The following SNX31 variants were observed in gnomAD, a reference collection of about 807,000 sequenced individuals.
The protein encoded by SNX31 is sorting nexin-31.
Under a neutral mutation model 65.4 loss-of-function variants are expected in SNX31, and 58 were observed. That is an observed-to-expected ratio of 0.89 (90% CI 0.72 to 1.10). The LOEUF (loss-of-function observed/expected upper bound fraction) is 1.10, where lower values mean the gene tolerates loss of function less well. Ranked by LOEUF, SNX31 falls within the 50% of genes least tolerant of loss-of-function variation. SNX31 has a pLI of 0.00. For synonymous variants in SNX31, 181 were observed against 190.1 expected (o/e 0.95, Z 0.39); for missense variants, 523 against 529.7 (o/e 0.99, Z 0.12).
intron 3 of SNX31, among the ~76,000 whole-genome samples, chr8:100,633,350 G>A (rs1484984968): frequency 6.6e-6 from 1 of 152,080 alleles, no homozygotes; most frequent in East Asian, 1.9e-4. Context: ...TAACTATACT[G>A]TGGTTCTATA....
intron 2 of SNX31, among the ~76,000 whole-genome samples, chr8:100,649,014 C>T (rs1339300303): frequency 3.3e-5 from 5 of 152,226 alleles, no homozygotes; most frequent in Admixed American, 3.3e-4. Flanking sequence ...CCGGCTGCAA[C>T]TGCGAGGGGC....
Position 100,617,654 on chromosome 8 carries a change from A to C in SNX31, c.398T>G (p.Ile133Ser). 6.2e-7 allele frequency: 1 copy of C among 1,613,492 alleles called. No homozygotes were observed. Among genetic ancestry groups the C allele is most frequent in the East Asian group, 2.2e-5 (1 of 44,850 alleles). ...TCTTTCAGCAGTGTCTGATGTTATA[A>C]TTTCGATTCTAATACTCTGTTCATT... ...LPNEQSIRIE[I>S]ITSDTAERVL... Residue 133 changes from isoleucine (I) to serine (S), a missense_variant, in exon 5 of 14, where the codon ATT (isoleucine) becomes AGT (serine). By Grantham distance (142) the Ile-to-Ser change is moderately radical. Transcript: ENST00000311812.
intron 3 of SNX31, among the ~76,000 whole-genome samples, chr8:100,632,116 T>G (rs562805085): frequency 4.6e-5 from 7 of 152,296 alleles, no homozygotes; most frequent in Non-Finnish European, 7.4e-5. Flanking sequence ...TGGGTCTGAT[T>G]TGAGAACCTG....
chr8:100,653,196 T>C (rs1474106621), upstream of SNX31, among the ~76,000 whole-genome samples: 2 of 152,294 alleles, frequency 1.3e-5, no homozygotes, highest in East Asian at 3.9e-4. Context: ...TTGGTCTGTG[T>C]TGGGTGCTCT....
At position 100,633,771 on chromosome 8, in the gene SNX31, A is replaced by G. The variant is rs183964725; in HGVS notation, c.256+2126T>C. 3.0e-3 allele frequency among the ~76,000 whole-genome samples: 456 copies of G among 152,346 alleles called. 1 individual carries two copies. Among genetic ancestry groups the G allele is most frequent in the African/African-American group, 8.7e-3 (361 of 41,578 alleles). On this transcript the variant is annotated intron_variant, in intron 3 of 13. Transcript: ENST00000311812. The stretch of plus-strand genomic sequence containing the variant: ...ATATATACACATACACACACAAGGA[A>G]AAAAGAATGATAAGACAAATGTAAA...
rs1815707169 is a variant in SNX31 at position 100,602,236 on chromosome 8, T to C, written c.682-1795A>G. On this transcript the variant is annotated intron_variant, in intron 8 of 13. Coordinates refer to ENST00000311812, the MANE Select transcript of SNX31 (RefSeq NM_152628.4). ...CTATCTGCTACATCCCTCAGTGATA[T>C]TGGCAGGCTATGCTTTATCTCCCAG... Among the ~76,000 whole-genome samples, 3 of 152,232 alleles carry C rather than the reference T, an allele frequency of 2.0e-5. No individual in the cohort carries two copies. In the South Asian group the frequency reaches 6.2e-4, roughly 32 times the overall value.
chr8:100,578,242 T>G lies in SNX31; in HGVS notation c.1171-1167A>C, dbSNP rs2154639. 0.83 allele frequency among the ~76,000 whole-genome samples: 126,389 copies of G among 152,156 alleles called. 53,027 individuals carry two copies. The highest frequency in any genetic ancestry group is 0.86 in the Non-Finnish European group (58,770 of 68,012). On this transcript the variant is annotated intron_variant, in intron 12 of 13. Transcript: ENST00000311812. The surrounding 1 kb of genome is among the most constrained non-coding windows in gnomAD (Gnocchi z 4.7). ...GTAAACACCACCTAGCCAGGCTTTT[T>G]GGGGAAAGAGTTCTTAGACTCTTCT...
intron 4 of SNX31, among the ~76,000 whole-genome samples, chr8:100,623,976 A>G (rs1418572565): frequency 7.1e-6 from 1 of 141,786 alleles, no homozygotes; most frequent in East Asian, 2.1e-4. Flanking sequence ...TTTTCTGTTA[A>G]GTGATTCAGT....
chr8:100,652,737 T>C (rs879212008), upstream of SNX31, among the ~76,000 whole-genome samples: 3 of 152,112 alleles, frequency 2.0e-5, no homozygotes, highest in Admixed American at 2.0e-4. Context: ...GTTCTGGAAC[T>C]TTCCACGTCT....
At chr8:100,645,452 T>A (rs939553674) in intron 2 of SNX31, among the ~76,000 whole-genome samples, 1 of 152,170 alleles carries the variant, frequency 6.6e-6, no homozygotes, top group Non-Finnish European at 1.5e-5. Context: ...GGTGGCCAGA[T>A]AAAATACAGG....
rs1816888636 is a variant in SNX31 at position 100,613,398 on chromosome 8, C to T, written c.433-313G>A. Among the ~76,000 whole-genome samples the T allele has an allele frequency of 2.6e-5, 4 of 152,258 alleles. No homozygotes were observed. Among genetic ancestry groups the T allele is most frequent in the South Asian group, 2.1e-4 (1 of 4,816 alleles). On this transcript the variant is annotated intron_variant, in intron 5 of 13. Transcript: ENST00000311812. The surrounding 1 kb of genome is among the most constrained non-coding windows in gnomAD (Gnocchi z 5.2). ...CCGGATTGTCTTGGTCTTTATTTTC[C>T]CCTGGAGGGCAGCAGCCATGTTCCA...
rs370339956 is a variant in SNX31 at position 100,584,223 on chromosome 8, G to A, written c.1093-35C>T. On this transcript the variant is annotated intron_variant, in intron 11 of 13. Transcript: ENST00000311812. ...GCAGGAATAAAGAACTCTTGTAACC[G>A]AAGAAATCTTCACTCTCTTTCTTCC... 7 of 1,539,972 alleles carry A rather than the reference G, an allele frequency of 4.5e-6. No individual in the cohort carries two copies. In the South Asian group the frequency reaches 6.1e-5, roughly 13 times the overall value.
At chr8:100,641,563 A>T (rs867663274) in intron 2 of SNX31, among the ~76,000 whole-genome samples, 6 of 22,576 alleles carry the variant, frequency 2.7e-4, no homozygotes, top group Non-Finnish European at 4.3e-4. Flanking sequence ...AAAAAAAAAA[A>T]AAATATATAT....
chr8:100,623,885 T>C (rs1817866145), intron 4 of SNX31, among the ~76,000 whole-genome samples: 1 of 152,068 alleles, frequency 6.6e-6, no homozygotes, highest in Non-Finnish European at 1.5e-5. Context: ...TGTGCTTGAC[T>C]ATGGGGAAAA....
chr8:100,628,278 G>GAC (rs770036539), intron 4 of SNX31, among the ~76,000 whole-genome samples: 12 of 152,066 alleles, frequency 7.9e-5, no homozygotes, highest in East Asian at 1.9e-4. Context: ...CTGCTATAAA[G>GAC]ACACACACAC....
At chr8:100,652,343 C>T (rs779461258), upstream of SNX31, among the ~76,000 whole-genome samples, 2 of 152,098 alleles carry the variant, frequency 1.3e-5, no homozygotes, top group Non-Finnish European at 2.9e-5. Flanking sequence ...CTGAATCAAT[C>T]CTATATTGTT....
chr8:100,606,930 G>T (rs996200162), intron 8 of SNX31, among the ~76,000 whole-genome samples: 5 of 152,216 alleles, frequency 3.3e-5, no homozygotes, highest in Admixed American at 6.5e-5. Flanking sequence ...GCTTAATGCT[G>T]ACATCGTGCC....
At chr8:100,635,744 T>A (rs998596008) in intron 3 of SNX31, among the ~76,000 whole-genome samples, 153 bp downstream of exon 3, 3 of 152,046 alleles carry the variant, frequency 2.0e-5, no homozygotes, top group African/African-American at 7.2e-5. Context: ...TTGGGGGTAG[T>A]GACAATATTC....
intron 7 of SNX31, among the ~76,000 whole-genome samples, chr8:100,611,596 C>T (rs1259778765): frequency 6.6e-6 from 1 of 152,126 alleles, no homozygotes; most frequent in Admixed American, 6.6e-5. Context: ...TGCACTGTTG[C>T]CCAGGTTGCA....
Sources: gnomAD v4.1 joint callset for allele counts (sites outside exome capture counted in the v4.1 genomes callset) on GRCh38, gnomAD v4.1.1 for gene constraint, Gnocchi (gnomAD v3.1) non-coding constraint, MANE v1.5 for transcripts, NCBI Gene and HGNC (gene_info 2026-07-23, HGNC 2026-07-21) for gene names.